The following CTXN3 variants were observed in gnomAD, a reference collection of about 807,000 sequenced individuals.
CTXN3 encodes the protein cortexin-3.
Under a neutral mutation model 5.0 loss-of-function variants are expected in CTXN3, and 4 were observed. The observed-to-expected ratio is 0.79, with a 90% confidence interval of 0.39 to 1.82. The LOEUF (loss-of-function observed/expected upper bound fraction) is 1.82. Ranked by LOEUF, CTXN3 falls within the 40% of genes most tolerant of loss-of-function variation. The pLI, the probability that CTXN3 is intolerant of heterozygous loss-of-function variation, is 0.04. For missense variants in CTXN3, 89 were observed against 99.7 expected (o/e 0.89, Z 0.46); for synonymous variants, 48 against 38.6 (o/e 1.24, Z -0.91).
Position 127,657,462 on chromosome 5 carries a change from G to A in CTXN3, c.-60G>A, listed in dbSNP as rs1387521413. 7.5e-6 allele frequency: 12 copies of A among 1,594,648 alleles called. No homozygotes were observed. The highest frequency in any genetic ancestry group is 4.5e-5 in the East Asian group (2 of 44,706). ...CCAGAGTGCAGCCACCATGACCTCC[G>A]CAGATTGATGATGGAAGAAAAGAAA... On this transcript the variant is annotated 5_prime_UTR_variant, in exon 3 of 3. Coordinates refer to ENST00000379445, the MANE Select transcript of CTXN3 (RefSeq NM_001048252.3).
At chr5:127,650,607 T>G (rs1275690065) in intron 1 of CTXN3, among the ~76,000 whole-genome samples, 1 of 152,226 alleles carries the variant, frequency 6.6e-6, no homozygotes, top group Non-Finnish European at 1.5e-5. Flanking sequence ...AAGAGGGCCA[T>G]GAATTCTTTG....
intron 2 of CTXN3, 27 bp from the exon 3 acceptor site, chr5:127,657,396 T>C (rs761351667): frequency 1.6e-4 from 164 of 1,049,270 alleles, no homozygotes; most frequent in Non-Finnish European, 2.0e-4. Flanking sequence ...TTTATAGGTA[T>C]TCCTTTCCCT....
At chr5:127,654,542 A>G (rs1749861913) in intron 2 of CTXN3, among the ~76,000 whole-genome samples, 1 of 152,218 alleles carries the variant, frequency 6.6e-6, no homozygotes, top group African/African-American at 2.4e-5. Flanking sequence ...ATCAGGATGA[A>G]TAAGTTATTT....
At chr5:127,655,260 TC>T (rs1749881456) in intron 2 of CTXN3, among the ~76,000 whole-genome samples, 4 of 151,984 alleles carry the variant, frequency 2.6e-5, no homozygotes, top group Admixed American at 6.6e-5. Flanking sequence ...CGAAACTCCG[TC>T]TCAAAATAAA....
intron 1 of CTXN3, among the ~76,000 whole-genome samples, chr5:127,651,099 G>T (rs370553301): frequency 6.6e-6 from 1 of 152,122 alleles, no homozygotes; most frequent in African/African-American, 2.4e-5. Flanking sequence ...AGGCAATTCC[G>T]TTCCTGTTAA....
chr5:127,650,366 G>A (rs1016002385), intron 1 of CTXN3, among the ~76,000 whole-genome samples: 3 of 152,162 alleles, frequency 2.0e-5, no homozygotes, highest in African/African-American at 7.2e-5. Context: ...AGGCTTTCTA[G>A]TAGACTTGAG....
Position 127,649,179 on chromosome 5 carries a change from G to A in CTXN3, c.-416G>A, listed in dbSNP as rs565165343. 5 of 152,276 alleles carry A rather than the reference G, an allele frequency of 3.3e-5. No homozygotes were observed. The South Asian group carries it at 6.2e-4, about 19-fold the overall frequency. The allele number at this position is 152,276 out of a possible 1,614,324, so 9.4% of individuals were successfully genotyped here. On this transcript the variant is annotated 5_prime_UTR_variant, in exon 1 of 3. Transcript: ENST00000379445. ...TTAATGATGCCTCACACAGAAAGAC[G>A]ATGCTCCTTTAACTCGGGGTTTTAA...
intron 1 of CTXN3, among the ~76,000 whole-genome samples, chr5:127,652,630 A>G (rs1749808794): frequency 6.6e-6 from 1 of 151,884 alleles, no homozygotes; most frequent in Admixed American, 6.6e-5. Context: ...GATGGAAAGA[A>G]GGAGAGGAAA....
intron 1 of CTXN3, among the ~76,000 whole-genome samples, 195 bp downstream of exon 1, chr5:127,649,583 T>C (rs1356181237): frequency 6.6e-6 from 1 of 152,222 alleles, no homozygotes; most frequent in Admixed American, 6.5e-5. Flanking sequence ...AATGATGCCT[T>C]TATTTTTAAA....
rs1325352052 is a variant in CTXN3, at chr5:127,657,635, T to C, written c.114T>C (p.Phe38=). The change falls in exon 3 of 3, where the codon TTT becomes TTC. Residue 38 remains phenylalanine (F), a synonymous_variant. Transcript: ENST00000379445. ...KMTFVFVILL[F]IFLGILIVRC... Reference sequence around the variant, plus strand: ...CATTTGTTTTTGTGATTCTGTTGTTTATTTTCTTGGGCATTCTCATTGTCC... The same window carrying C: ...CATTTGTTTTTGTGATTCTGTTGTTCATTTTCTTGGGCATTCTCATTGTCC... 5 of 1,614,088 alleles carry C rather than the reference T, an allele frequency of 3.1e-6. No homozygotes were observed. Among genetic ancestry groups the C allele is most frequent in the African/African-American group, 1.3e-5 (1 of 74,930 alleles).
At chr5:127,652,127 T>C (rs1294510221) in intron 1 of CTXN3, 1 of 152,138 alleles carries the variant, frequency 6.6e-6, no homozygotes, top group East Asian at 1.9e-4. Flanking sequence ...ATTCCACCCA[T>C]CAACACGGAG....
chr5:127,657,570 G>GT lies in CTXN3; in HGVS notation c.49_50insT (p.Glu17ValfsTer6), dbSNP rs1561422282. Reference sequence around the variant, plus strand: ...CTCATCCCTAGTGCCCCTTGGGAACGAATCAGCAGATTCTAGCATGTCCCT... The same window carrying GT: ...CTCATCCCTAGTGCCCCTTGGGAACGTAATCAGCAGATTCTAGCATGTCCCT... On this transcript the variant is annotated frameshift_variant, in exon 3 of 3. Transcript: ENST00000379445. LOFTEE classifies it high-confidence loss of function. 1 of 1,614,074 alleles carries GT rather than the reference G, an allele frequency of 6.2e-7. No homozygotes were observed. Among genetic ancestry groups the GT allele is most frequent in the Admixed American group, 1.7e-5 (1 of 60,016 alleles).
chr5:127,649,491 A>G (rs1365925600), intron 1 of CTXN3, 103 bp downstream of exon 1: 1 of 152,228 alleles, frequency 6.6e-6, no homozygotes, highest in Non-Finnish European at 1.5e-5. Context: ...TTCGGATCAT[A>G]GTTGTGAATT....
At chr5:127,651,050 T>C (rs1749773926) in intron 1 of CTXN3, among the ~76,000 whole-genome samples, 1 of 152,194 alleles carries the variant, frequency 6.6e-6, no homozygotes, top group African/African-American at 2.4e-5. Flanking sequence ...TGAGTAAGTT[T>C]GTCTCTGTTG....
At chr5:127,654,534 C>G (rs186877021) in intron 2 of CTXN3, among the ~76,000 whole-genome samples, 8 of 152,330 alleles carry the variant, frequency 5.3e-5, no homozygotes, top group African/African-American at 1.9e-4. Context: ...TAATCTGAAT[C>G]AGGATGAATA....
intron 2 of CTXN3, among the ~76,000 whole-genome samples, chr5:127,654,141 G>A (rs1456554633): frequency 1.3e-5 from 2 of 152,180 alleles, no homozygotes; most frequent in Non-Finnish European, 2.9e-5. Context: ...TTGCAATTTA[G>A]TAGGAGACGT....
rs1749936322 is a variant in CTXN3, at chr5:127,657,493, G to T, written c.-29G>T. The stretch of plus-strand genomic sequence containing the variant: ...TGATGATGGAAGAAAAGAAAACCAG[G>T]ATATCCTGTGCTCTGGCTTCCCTGG... On this transcript the variant is annotated 5_prime_UTR_variant, in exon 3 of 3. Coordinates refer to ENST00000379445, the MANE Select transcript of CTXN3 (RefSeq NM_001048252.3). 3.7e-6 allele frequency: 6 copies of T among 1,611,412 alleles called. No homozygotes were observed. The highest frequency in any genetic ancestry group is 5.1e-6 in the Non-Finnish European group (6 of 1,178,612).
rs770511223 is a variant in CTXN3 at position 127,657,478 on chromosome 5, A to G, written c.-44A>G. The G allele has an allele frequency of 1.2e-6, 2 of 1,606,620 alleles. No individual in the cohort carries two copies. Among genetic ancestry groups the G allele is most frequent in the South Asian group, 1.1e-5 (1 of 90,582 alleles). ...ATGACCTCCGCAGATTGATGATGGA[A>G]GAAAAGAAAACCAGGATATCCTGTG... On this transcript the variant is annotated 5_prime_UTR_variant, in exon 3 of 3. Transcript: ENST00000379445.
intron 1 of CTXN3, chr5:127,652,393 T>C (rs1325370216): frequency 6.6e-6 from 1 of 152,152 alleles, no homozygotes; most frequent in Non-Finnish European, 1.5e-5. Context: ...ATTTAACTTA[T>C]ATTTAAAAAG....
Sources: allele counts gnomAD v4.1 joint callset (sites outside exome capture counted in the v4.1 genomes callset), GRCh38; gene constraint gnomAD v4.1.1; transcripts MANE v1.5; gene names NCBI Gene and HGNC (gene_info 2026-07-23, HGNC 2026-07-21).